Variants in DYNC2H1 observed in about 807,000 individuals in gnomAD.
The protein encoded by DYNC2H1 is dynein cytoplasmic 2 heavy chain 1, also known as cytoplasmic dynein 2 heavy chain 1.
DYNC2H1 carries 410 observed loss-of-function variants against 570.0 expected under a neutral mutation model. The ratio of observed to expected loss-of-function variants is 0.72; its 90% CI spans 0.66 to 0.78. The LOEUF (loss-of-function observed/expected upper bound fraction) is 0.78, where lower values mean the gene tolerates loss of function less well. DYNC2H1 is among the 30% of genes least tolerant of loss of function. DYNC2H1 has a pLI of 0.00. For missense variants in DYNC2H1, 4,865 were observed against 5,046.4 expected, an observed-to-expected ratio of 0.96 and a Z score of 1.09; for synonymous variants, 1,688 against 1,677.6, an observed-to-expected ratio of 1.01 and a Z score of -0.15.
intron 83 of DYNC2H1, among the ~76,000 whole-genome samples, chr11:103,398,187 G>A (rs758112977): frequency 6.6e-6 from 1 of 152,148 alleles, no homozygotes. Context: ...AGGTCTATAA[G>A]TCAAATTTTA....
At chr11:103,224,912 A>T (rs187751567) in intron 59 of DYNC2H1, among the ~76,000 whole-genome samples, 45 of 152,222 alleles carry the variant, frequency 3.0e-4, no homozygotes, top group South Asian at 4.2e-4. Flanking sequence ...GCCAACATCT[A>T]TACTTTTTTA....
Position 103,319,264 on chromosome 11 carries a change from G to T in DYNC2H1, c.11726-1765G>T, listed in dbSNP as rs183535440. 1.3e-5 allele frequency among the ~76,000 whole-genome samples: 2 copies of T among 152,240 alleles called. No homozygotes were observed. The highest frequency in any genetic ancestry group is 4.8e-5 in the African/African-American group (2 of 41,572). ...GATGCTCTAAAATGATATTGAATCT[G>T]AGTAAAAATCTGTTAAATCTTGATT... On this transcript the variant is annotated intron_variant, in intron 80 of 88. Coordinates refer to ENST00000375735, the MANE Select transcript of DYNC2H1 (RefSeq NM_001377.3). This position sits in a 1 kb window ranked among gnomAD's most constrained non-coding sequence, Gnocchi z 4.3.
At chr11:103,218,461 A>G (rs1863466015) in intron 55 of DYNC2H1, among the ~76,000 whole-genome samples, 1 of 152,320 alleles carries the variant, frequency 6.6e-6, no homozygotes, top group East Asian at 1.9e-4. Flanking sequence ...TTGGAACAAA[A>G]TTAATATAAA....
intron 36 of DYNC2H1, 125 bp downstream of exon 36, chr11:103,174,295 A>G (rs1861704223): frequency 1.6e-6 from 1 of 609,048 alleles, no homozygotes; most frequent in Non-Finnish European, 2.6e-6. Context: ...CCCTGCCCCA[A>G]TTTCTACTGT....
intron 53 of DYNC2H1, 62 bp downstream of exon 53, chr11:103,210,022 A>T: frequency 7.3e-7 from 1 of 1,370,854 alleles, no homozygotes; most frequent in Non-Finnish European, 9.5e-7. Flanking sequence ...GCCGTTTTTA[A>T]TGCTACAGAT....
intron 63 of DYNC2H1, among the ~76,000 whole-genome samples, chr11:103,240,882 C>T (rs906175218): frequency 2.0e-5 from 3 of 152,154 alleles, no homozygotes; most frequent in African/African-American, 7.2e-5. Flanking sequence ...TGATCATGAT[C>T]AGACAGACTC....
intron 59 of DYNC2H1, among the ~76,000 whole-genome samples, chr11:103,227,180 T>C (rs890216688): frequency 6.6e-6 from 1 of 152,138 alleles, no homozygotes; most frequent in African/African-American, 2.4e-5. Flanking sequence ...TTCAATTTCA[T>C]TTAGTTCTGC....
chr11:103,423,757 C>CA lies in DYNC2H1; in HGVS notation c.12367-12177dup, dbSNP rs568211070. On this transcript the variant is annotated intron_variant, in intron 84 of 88. Transcript: ENST00000375735. Reference sequence around the variant, plus strand: ...AATAAACATCTCAATTATAAAAATGCAAAAAAAAATTGTATAGATATTTTA... The same window carrying CA: ...AATAAACATCTCAATTATAAAAATGCAAAAAAAAAATTGTATAGATATTTTA... 1.7e-3 allele frequency among the ~76,000 whole-genome samples: 256 copies of CA among 148,204 alleles called. 1 individual carries two copies. The highest frequency in any genetic ancestry group is 0.014 in the Middle Eastern group (4 of 294).
Position 103,120,599 on chromosome 11 carries a change from T to C in DYNC2H1, c.1134+18T>C, listed in dbSNP as rs749348137. ...ATACTGAGGTTGTATATATATTTGTTTATGTCTGTACAGTTTCCTGTTTAT... is the reference window on the plus strand; with the variant it reads ...ATACTGAGGTTGTATATATATTTGTCTATGTCTGTACAGTTTCCTGTTTAT... On this transcript the variant is annotated intron_variant, in intron 7 of 88. Transcript: ENST00000375735. 3.7e-6 allele frequency: 6 copies of C among 1,605,896 alleles called. No homozygotes were observed. The highest frequency in any genetic ancestry group is 5.1e-6 in the Non-Finnish European group (6 of 1,176,398).
rs1286613715 is a variant in DYNC2H1 at position 103,135,706 on chromosome 11, T to A, written c.2346-14T>A. ...CTAACAATTTATGTTTTAAAGTTATTTATTTACTTTTAGACAGGGACGATT... is the reference window on the plus strand; with the variant it reads ...CTAACAATTTATGTTTTAAAGTTATATATTTACTTTTAGACAGGGACGATT... On this transcript the variant is annotated splice_polypyrimidine_tract_variant and intron_variant, in intron 16 of 88. Transcript: ENST00000375735. The A allele has an allele frequency of 6.2e-7, 1 of 1,604,346 alleles. No homozygotes were observed. Among genetic ancestry groups the A allele is most frequent in the African/African-American group, 1.3e-5 (1 of 74,442 alleles).
In DYNC2H1 at chr11:103,244,747, CTA is replaced by C. The variant is rs992684947; in HGVS notation, c.9919-496_9919-495del. On this transcript the variant is annotated intron_variant, in intron 64 of 88. Transcript: ENST00000375735. This position sits in a 1 kb window ranked among gnomAD's most constrained non-coding sequence, Gnocchi z 4.3. ...ATATACATATAAGTATATAAATATACTATATATATCTATAGTTACAGTTATAT... is the reference window on the plus strand; with the variant it reads ...ATATACATATAAGTATATAAATATACTATATATCTATAGTTACAGTTATAT... Among the ~76,000 whole-genome samples the C allele has an allele frequency of 3.4e-5, 5 of 147,532 alleles. No individual in the cohort carries two copies. The highest frequency in any genetic ancestry group is 1.2e-4 in the African/African-American group (5 of 40,546).
Position 103,148,550 on chromosome 11 carries a change from C to T in DYNC2H1, c.2879C>T (p.Pro960Leu). The T allele has an allele frequency of 6.4e-7, 1 of 1,566,682 alleles. No individual in the cohort carries two copies. Among genetic ancestry groups the T allele is most frequent in the Non-Finnish European group, 8.7e-7 (1 of 1,154,264 alleles). Residue 960 changes from proline to leucine, a missense_variant, in exon 20 of 89, where the codon CCC (proline) becomes CTC (leucine). Pro to Leu is a moderately conservative substitution (Grantham distance 98). Around this residue, in one of 5 missense-constraint regions of DYNC2H1, gnomAD observed 1,936 missense variants for 1,962.1 expected, o/e 0.99. Coordinates refer to ENST00000375735, the MANE Select transcript of DYNC2H1 (RefSeq NM_001377.3). ...TEAMEVLTIM[P>L]QSVEEIGDAN... ...GCTATGGAAGTCTTAACAATTATGCCCCAGTCTGTGGAAGAAATTGGTGAT... is the reference window on the plus strand; with the variant it reads ...GCTATGGAAGTCTTAACAATTATGCTCCAGTCTGTGGAAGAAATTGGTGAT...
chr11:103,443,573 A>T (rs1944336224), intron 85 of DYNC2H1, among the ~76,000 whole-genome samples: 1 of 151,864 alleles, frequency 6.6e-6, no homozygotes, highest in South Asian at 2.1e-4. Context: ...AATCTTGAAC[A>T]TAAGACTCAT....
At chr11:103,142,737 C>A (rs769492532) in intron 17 of DYNC2H1, among the ~76,000 whole-genome samples, 9 of 152,188 alleles carry the variant, frequency 5.9e-5, no homozygotes, top group South Asian at 2.1e-4. Flanking sequence ...AATTCTTCTT[C>A]TGAAGCCCTC....
At chr11:103,131,502 G>T (rs1859267650) in intron 13 of DYNC2H1, among the ~76,000 whole-genome samples, 1 of 151,660 alleles carries the variant, frequency 6.6e-6, no homozygotes, top group South Asian at 2.1e-4. Flanking sequence ...TGTTAGCCAG[G>T]ATGGTCTCCC....
chr11:103,122,980 T>G lies in DYNC2H1; in HGVS notation c.1641T>G (p.Ser547=). Residue 547 remains serine (S), a synonymous_variant, in exon 11 of 89, where the codon TCT becomes TCG. Transcript: ENST00000375735. The part of the protein sequence containing the change: ...DWSRDIQSGL[S]DSRSGLCIEA... Reference sequence around the variant, plus strand: ...CCAGGGATATTCAATCAGGTTTATCTGATTCCAGATCTGGTTTGTGGTAAG... The same window carrying G: ...CCAGGGATATTCAATCAGGTTTATCGGATTCCAGATCTGGTTTGTGGTAAG... The G allele has an allele frequency of 6.5e-7, 1 of 1,540,874 alleles. No individual in the cohort carries two copies. The highest frequency in any genetic ancestry group is 2.3e-5 in the East Asian group (1 of 43,840).
intron 85 of DYNC2H1, among the ~76,000 whole-genome samples, chr11:103,448,163 TA>T (rs1194869816): frequency 6.6e-6 from 1 of 152,078 alleles, no homozygotes; most frequent in African/African-American, 2.4e-5. Context: ...AAAATTAGGA[TA>T]TTACGTTTAA....
At chr11:103,414,556 T>G (rs1793505) in intron 84 of DYNC2H1, among the ~76,000 whole-genome samples, 77,131 of 151,930 alleles carry the variant, frequency 0.51, 19,850 homozygotes, top group African/African-American at 0.6. Flanking sequence ...GAGAAAGAAA[T>G]AAAGGATATT....
At chr11:103,332,423 C>T (rs1447278011) in intron 82 of DYNC2H1, among the ~76,000 whole-genome samples, 1 of 151,896 alleles carries the variant, frequency 6.6e-6, no homozygotes, top group Admixed American at 6.6e-5. Flanking sequence ...TAAAGGACAC[C>T]ATGCTGGATA....
Sources: allele counts gnomAD v4.1 joint callset (sites outside exome capture counted in the v4.1 genomes callset), GRCh38; gene constraint gnomAD v4.1.1; regional missense constraint gnomAD v4.1.1; non-coding constraint Gnocchi (gnomAD v3.1); transcripts MANE v1.5; gene names NCBI Gene and HGNC (gene_info 2026-07-23, HGNC 2026-07-21).